STARD13: variants seen among roughly 807,000 people sequenced by gnomAD.
STARD13 encodes the protein stAR-related lipid transfer protein 13.
In STARD13, 62 loss-of-function variants were observed where a neutral mutation model predicts 106.4. The observed-to-expected ratio is 0.58, with a 90% CI of 0.48 to 0.72. The LOEUF (loss-of-function observed/expected upper bound fraction) is 0.72. Ranked by LOEUF, STARD13 falls within the 30% of genes least tolerant of loss-of-function variation. STARD13 has a pLI of 0.00. For missense variants in STARD13, 1,387 were observed against 1,424.0 expected (o/e 0.97, Z 0.42); for synonymous variants, 565 against 553.0 (o/e 1.02, Z -0.31).
the STARD13 span, among the ~76,000 whole-genome samples, chr13:33,375,749 A>C: frequency 2.2e-4 from 34 of 152,220 alleles, no homozygotes; most frequent in African/African-American, 8.2e-4. Flanking sequence ...CTCCCATGAC[A>C]TGTGGAGATT....
chr13:33,110,892 C>T lies in STARD13; in HGVS notation c.2623G>A (p.Val875Met). 1 of 1,613,118 alleles carries T rather than the reference C, an allele frequency of 6.2e-7. No individual in the cohort carries two copies. The highest frequency in any genetic ancestry group is 8.5e-7 in the Non-Finnish European group (1 of 1,180,004). ...DRLFEVPHEL[V>M]AQSRNSYVEA... ...ACATACGAGTTACGAGACTGGGCCA[C>T]CAACTCGTGTGGAACCTAGACCAAC... The change falls in exon 11 of 14, where the codon GTG becomes ATG. Residue 875 changes from valine (V) to methionine (M), a missense_variant. Val to Met is a conservative substitution (Grantham distance 21). Transcript: ENST00000336934.
the STARD13 span, among the ~76,000 whole-genome samples, chr13:33,412,226 A>G: frequency 6.6e-6 from 1 of 152,206 alleles, no homozygotes; most frequent in East Asian, 1.9e-4. Flanking sequence ...GTACAGGAAG[A>G]TAAGTGTTCT....
chr13:33,573,930 T>C, the STARD13 span, among the ~76,000 whole-genome samples: 2 of 152,114 alleles, frequency 1.3e-5, no homozygotes, highest in Non-Finnish European at 2.9e-5. Context: ...ATTTTTATAA[T>C]ATATTCAAAA....
At chr13:33,365,657 A>G in the STARD13 span, among the ~76,000 whole-genome samples, 3 of 152,290 alleles carry the variant, frequency 2.0e-5, no homozygotes, top group South Asian at 2.1e-4. Context: ...TTAAATACTA[A>G]ATACAATTCT....
At chr13:33,216,603 T>C (rs1459279335) in intron 1 of STARD13, among the ~76,000 whole-genome samples, 2 of 151,960 alleles carry the variant, frequency 1.3e-5, no homozygotes, top group South Asian at 2.1e-4. Context: ...AGACTGCAAA[T>C]TGGGTTTAGT....
the STARD13 span, among the ~76,000 whole-genome samples, chr13:33,391,408 C>A: frequency 6.6e-6 from 1 of 152,172 alleles, no homozygotes; most frequent in South Asian, 2.1e-4. Context: ...CAAGTAGGAA[C>A]ATTTACCGTA....
chr13:33,127,482 T>G lies in STARD13; in HGVS notation c.1813A>C (p.Ile605Leu), dbSNP rs1307070993. 3 of 1,594,902 alleles carry G rather than the reference T, an allele frequency of 1.9e-6. No homozygotes were observed. In the Admixed American group the frequency reaches 5.1e-5, roughly 27 times the overall value. ...AGCTGGCTGGCCGTCTGGCTGCTGATGTGGGGCGATGCTGGGGCCGGCCGG... is the reference window on the plus strand; with the variant it reads ...AGCTGGCTGGCCGTCTGGCTGCTGAGGTGGGGCGATGCTGGGGCCGGCCGG... ...QPRPAPASPHISSQTASQLSL... is the reference protein window; with the variant it reads ...QPRPAPASPHLSSQTASQLSL... The change falls in exon 6 of 14, where the codon ATC (isoleucine) becomes CTC (leucine). Residue 605 changes from isoleucine (I) to leucine (L), a missense_variant. Transcript: ENST00000336934.
chr13:33,138,410 CT>C (rs71196507), intron 4 of STARD13: 3,153 of 122,748 alleles, frequency 0.026, 64 homozygotes, highest in African/African-American at 0.084. Context: ...CACTGTTTGG[CT>C]TTTTTTTTTT....
the STARD13 span, among the ~76,000 whole-genome samples, chr13:33,373,943 A>G: frequency 1.3e-5 from 2 of 152,100 alleles, no homozygotes; most frequent in African/African-American, 4.8e-5. Context: ...CTGAATATAT[A>G]CCCCACATAA....
intron 1 of STARD13, among the ~76,000 whole-genome samples, chr13:33,222,242 T>C (rs1244870979): frequency 1.3e-5 from 2 of 152,102 alleles, no homozygotes; most frequent in Non-Finnish European, 2.9e-5. Flanking sequence ...GAAGATACAC[T>C]GCATGAGGTA....
the STARD13 span, among the ~76,000 whole-genome samples, chr13:33,604,557 G>A: frequency 0.015 from 2,273 of 152,252 alleles, 51 homozygotes; most frequent in African/African-American, 0.051. Flanking sequence ...AGCAATTTGG[G>A]AGGCCAAGAC....
the STARD13 span, among the ~76,000 whole-genome samples, chr13:33,666,660 G>A: frequency 4.0e-5 from 6 of 151,798 alleles, no homozygotes; most frequent in East Asian, 1.9e-4. Context: ...GCGCGATCTC[G>A]ACTCACTGCA....
the STARD13 span, among the ~76,000 whole-genome samples, chr13:33,424,028 G>A: frequency 6.6e-6 from 1 of 151,956 alleles, no homozygotes; most frequent in Non-Finnish European, 1.5e-5. Context: ...AACAAACATG[G>A]CACATGTATA....
the STARD13 span, among the ~76,000 whole-genome samples, chr13:33,408,098 G>GT: frequency 1.3e-5 from 2 of 152,060 alleles, no homozygotes; most frequent in Admixed American, 6.5e-5. Flanking sequence ...ACTTCTGTGT[G>GT]TTAGTAGTAT....
At chr13:33,504,995 G>A in the STARD13 span, among the ~76,000 whole-genome samples, 13 of 152,228 alleles carry the variant, frequency 8.5e-5, no homozygotes, top group South Asian at 2.7e-3. Context: ...TGCTTCCCAA[G>A]TACAACTCAT....
chr13:33,350,066 A>T (rs948484406), intron 1 of STARD13, among the ~76,000 whole-genome samples: 1 of 152,120 alleles, frequency 6.6e-6, no homozygotes, highest in African/African-American at 2.4e-5. Context: ...CCTGGCTGTC[A>T]GCGCGCGCGT....
intron 1 of STARD13, among the ~76,000 whole-genome samples, chr13:33,194,587 T>G (rs940084320): frequency 3.9e-5 from 6 of 152,236 alleles, no homozygotes; most frequent in Non-Finnish European, 8.8e-5. Context: ...TACTTTAATA[T>G]AAACTAGATG....
In STARD13 at chr13:33,106,804, C is replaced by T. The variant is rs1401592185; in HGVS notation, c.3178G>A (p.Gly1060Ser). The T allele has an allele frequency of 6.2e-7, 1 of 1,614,072 alleles. No individual in the cohort carries two copies. The highest frequency in any genetic ancestry group is 1.1e-5 in the South Asian group (1 of 91,060). The change falls in exon 13 of 14, where the codon GGC becomes AGC. Residue 1060 changes from glycine to serine, a missense_variant. By Grantham distance (56) the Gly-to-Ser change is moderately conservative. Coordinates refer to ENST00000336934, the MANE Select transcript of STARD13 (RefSeq NM_178006.4). ...TGAGTCAGTCTTGACTTGCCAGAGCCACACGGTTCTATCAAGTACTGCGAG... is the reference window on the plus strand; with the variant it reads ...TGAGTCAGTCTTGACTTGCCAGAGCTACACGGTTCTATCAAGTACTGCGAG... ...MDSQYLIEPC[G>S]SGKSRLTHIC...
intron 1 of STARD13, among the ~76,000 whole-genome samples, chr13:33,278,094 TC>T (rs1392220163): frequency 6.6e-6 from 1 of 152,180 alleles, no homozygotes; most frequent in African/African-American, 2.4e-5. Context: ...CAAAATGTGT[TC>T]CCCAGGGAAA....
Sources: gnomAD v4.1 joint callset for allele counts (sites outside exome capture counted in the v4.1 genomes callset) on GRCh38, gnomAD v4.1.1 for gene constraint, MANE v1.5 for transcripts, NCBI Gene and HGNC (gene_info 2026-07-23, HGNC 2026-07-21) for gene names.